NALF1: variants seen among roughly 807,000 people sequenced by gnomAD.
NALF1 encodes the protein NALCN channel auxiliary factor 1.
In NALF1, 3 loss-of-function variants were observed where a neutral mutation model predicts 48.4. The observed-to-expected ratio is 0.06, with a 90% CI of 0.03 to 0.16. NALF1 has a LOEUF of 0.16. Among genes scored for constraint, NALF1 ranks in the 10% least tolerant of loss-of-function variants. The pLI is 1.00. For missense variants in NALF1, 526 were observed against 571.5 expected (o/e 0.92, Z 0.81); for synonymous variants, 262 against 245.7 (o/e 1.07, Z -0.62).
chr13:107,544,654 T>A (rs1367624507), intron 1 of NALF1, among the ~76,000 whole-genome samples: 3 of 152,078 alleles, frequency 2.0e-5, no homozygotes, highest in Non-Finnish European at 4.4e-5. Flanking sequence ...GGACCCTTGG[T>A]TCTATAATCA....
chr13:107,408,254 TAG>T (rs1254645309), intron 1 of NALF1, among the ~76,000 whole-genome samples: 1 of 152,042 alleles, frequency 6.6e-6, no homozygotes, highest in Non-Finnish European at 1.5e-5. Flanking sequence ...GATTTTAAAA[TAG>T]ATTTTAAAAT....
chr13:107,403,188 CTTTTTTTTTTTTT>C lies in NALF1; in HGVS notation c.916-192446_916-192434del, dbSNP rs10710356. Reference sequence around the variant, plus strand: ...TTCTGCTTGGTTTCTCTTGTTCGGGCTTTTTTTTTTTTTTTTTTTTTTTTTTTTTTATCATTTT... The same window carrying C: ...TTCTGCTTGGTTTCTCTTGTTCGGGCTTTTTTTTTTTTTTTTTATCATTTT... On this transcript the variant is annotated intron_variant, in intron 1 of 2. Coordinates refer to ENST00000375915, the MANE Select transcript of NALF1 (RefSeq NM_001080396.3). Among the ~76,000 whole-genome samples, 107 of 42,498 alleles carry C rather than the reference CTTTTTTTTTTTTT, an allele frequency of 2.5e-3. 1 individual carries two copies. The highest frequency in any genetic ancestry group is 8.2e-3 in the South Asian group (6 of 736). 27.9% of individuals were successfully genotyped at this position (42,498 alleles called of 152,430 possible). A position where few individuals can be genotyped will look rare whatever the true frequency, so the allele number is the denominator to read the frequency against.
Position 107,865,559 on chromosome 13 carries a change from C to T in NALF1, c.915+123G>A, listed in dbSNP as rs1467382301. Reference sequence around the variant, plus strand: ...AAACAGCAAGCCAAGCTCTTAATAACCGCAGAAAACACAAAGTAACAAAAC... The same window carrying T: ...AAACAGCAAGCCAAGCTCTTAATAATCGCAGAAAACACAAAGTAACAAAAC... On this transcript the variant is annotated intron_variant, in intron 1 of 2. Transcript: ENST00000375915. The T allele has an allele frequency of 4.5e-6, 6 of 1,323,578 alleles. No individual in the cohort carries two copies. The East Asian group carries it at 1.2e-4, about 26-fold the overall frequency. 82.0% of individuals were successfully genotyped at this position (1,323,578 alleles called of 1,614,324 possible).
chr13:107,236,293 A>G (rs1880340360), intron 1 of NALF1, among the ~76,000 whole-genome samples: 1 of 152,166 alleles, frequency 6.6e-6, no homozygotes, highest in African/African-American at 2.4e-5. Flanking sequence ...GCAAAGTACC[A>G]AAATTTCTCA....
intron 1 of NALF1, among the ~76,000 whole-genome samples, chr13:107,811,668 C>T (rs34292024): frequency 0.088 from 13,455 of 152,176 alleles, 698 homozygotes; most frequent in Middle Eastern, 0.21. Flanking sequence ...AATGCTACAG[C>T]CTGGGTAATT....
intron 1 of NALF1, among the ~76,000 whole-genome samples, chr13:107,341,670 T>A (rs1193241451): frequency 2.6e-5 from 4 of 151,308 alleles, no homozygotes; most frequent in Non-Finnish European, 5.9e-5. Context: ...TTGTTGTATA[T>A]ATGGGATATA....
At chr13:107,815,217 C>T (rs1340868569) in intron 1 of NALF1, among the ~76,000 whole-genome samples, 1 of 151,692 alleles carries the variant, frequency 6.6e-6, no homozygotes, top group Admixed American at 6.6e-5. Context: ...ATCTAAAAGA[C>T]AACCCAAAGA....
At chr13:107,250,562 T>G (rs1594089378) in intron 1 of NALF1, among the ~76,000 whole-genome samples, 1 of 152,334 alleles carries the variant, frequency 6.6e-6, no homozygotes, top group East Asian at 1.9e-4. Context: ...TGCATATATT[T>G]TATTTTCATT....
At position 107,691,603 on chromosome 13, in the gene NALF1, A is replaced by G. The variant is rs371821554; in HGVS notation, c.915+174079T>C. ...AACAAATTAACAACTGAATATTGAC[A>G]GGAGCAAGTATCTAAAATCCATTTA... On this transcript the variant is annotated intron_variant, in intron 1 of 2. Coordinates refer to ENST00000375915, the MANE Select transcript of NALF1 (RefSeq NM_001080396.3). Among the ~76,000 whole-genome samples the G allele has an allele frequency of 8.6e-4, 131 of 152,374 alleles. 1 individual carries two copies. Among genetic ancestry groups the G allele is most frequent in the African/African-American group, 3.0e-3 (123 of 41,596 alleles).
intron 1 of NALF1, among the ~76,000 whole-genome samples, chr13:107,609,178 C>A (rs1400299839): frequency 6.6e-6 from 1 of 152,214 alleles, no homozygotes; most frequent in Non-Finnish European, 1.5e-5. Flanking sequence ...CCCCTTAGCT[C>A]CCCTATCCTG....
At chr13:107,541,074 T>C (rs1397967062) in intron 1 of NALF1, among the ~76,000 whole-genome samples, 1 of 152,138 alleles carries the variant, frequency 6.6e-6, no homozygotes, top group Non-Finnish European at 1.5e-5. Flanking sequence ...AAACAAAAAC[T>C]GAAAAGCAAG....
intron 1 of NALF1, among the ~76,000 whole-genome samples, chr13:107,318,957 A>C (rs1301649186): frequency 1.3e-5 from 2 of 152,124 alleles, no homozygotes; most frequent in Non-Finnish European, 2.9e-5. Context: ...TTGTTTTTCC[A>C]AGACTCATCT....
intron 1 of NALF1, among the ~76,000 whole-genome samples, chr13:107,435,429 G>C (rs932902122): frequency 6.6e-6 from 1 of 152,078 alleles, no homozygotes; most frequent in African/African-American, 2.4e-5. Flanking sequence ...GCAGACAGCT[G>C]TTTTGGCTGT....
chr13:107,545,071 A>G (rs1877101240), intron 1 of NALF1, among the ~76,000 whole-genome samples: 1 of 152,206 alleles, frequency 6.6e-6, no homozygotes, highest in Non-Finnish European at 1.5e-5. Context: ...AACCCTTAGT[A>G]CATATAAAGG....
At chr13:107,215,024 T>C (rs558614145) in intron 1 of NALF1, among the ~76,000 whole-genome samples, 1 of 152,124 alleles carries the variant, frequency 6.6e-6, no homozygotes, top group South Asian at 2.1e-4. Context: ...GGACAGAAAG[T>C]GAAGGGAGCA....
chr13:107,822,625 A>G (rs9583193), intron 1 of NALF1, among the ~76,000 whole-genome samples: 5,464 of 152,276 alleles, frequency 0.036, 145 homozygotes, highest in African/African-American at 0.072. Context: ...TCAGCATTGC[A>G]GTTGATAAAT....
intron 1 of NALF1, among the ~76,000 whole-genome samples, chr13:107,427,189 T>C (rs1441090385): frequency 1.3e-5 from 2 of 151,626 alleles, no homozygotes; most frequent in African/African-American, 2.4e-5. Context: ...AGAAATTAAG[T>C]AGTTAAAATT....
chr13:107,594,347 G>T (rs1467954383), intron 1 of NALF1, among the ~76,000 whole-genome samples: 1 of 152,002 alleles, frequency 6.6e-6, no homozygotes, highest in Admixed American at 6.6e-5. Context: ...ATAAATAAAT[G>T]CTTTACATCA....
chr13:107,844,405 G>A (rs530007676), intron 1 of NALF1, among the ~76,000 whole-genome samples: 2 of 152,220 alleles, frequency 1.3e-5, no homozygotes, highest in East Asian at 3.9e-4. Flanking sequence ...TCATTATTAT[G>A]TAGGTCATTC....
Sources: gnomAD v4.1 joint callset for allele counts (sites outside exome capture counted in the v4.1 genomes callset) on GRCh38, gnomAD v4.1.1 for gene constraint, MANE v1.5 for transcripts, NCBI Gene and HGNC (gene_info 2026-07-23, HGNC 2026-07-21) for gene names.